Variants in TAFA2 observed in about 807,000 individuals in gnomAD.
TAFA2 encodes the protein chemokine-like protein TAFA-2.
TAFA2 carries 7 observed loss-of-function variants against 18.8 expected under a neutral mutation model. The ratio of observed to expected loss-of-function variants is 0.37; its 90% CI spans 0.21 to 0.70. The LOEUF (loss-of-function observed/expected upper bound fraction) is 0.70. Ranked by LOEUF, TAFA2 falls within the 30% of genes least tolerant of loss-of-function variation. TAFA2 has a pLI of 0.53. For missense variants in TAFA2, 122 were observed against 158.1 expected, an observed-to-expected ratio of 0.77 and a Z score of 1.23; for synonymous variants, 60 against 54.2, an observed-to-expected ratio of 1.11 and a Z score of -0.47.
chr12:61,813,241 G>A (rs1342369370), intron 2 of TAFA2, among the ~76,000 whole-genome samples: 2 of 151,118 alleles, frequency 1.3e-5, no homozygotes, highest in Non-Finnish European at 2.9e-5. Context: ...TGCACTCCTT[G>A]GATTATCAGT....
chr12:61,775,910 G>A (rs1043558317), intron 2 of TAFA2: 18 of 185,260 alleles, frequency 9.7e-5, no homozygotes, highest in Non-Finnish European at 1.7e-4. Flanking sequence ...CCATACTTCA[G>A]TAATATGCCA....
At chr12:61,989,123 C>T (rs1407561124) in intron 1 of TAFA2, among the ~76,000 whole-genome samples, 1 of 152,048 alleles carries the variant, frequency 6.6e-6, no homozygotes, top group African/African-American at 2.4e-5. Context: ...TTTAAAGGAA[C>T]ACTGCAGCTT....
At chr12:61,888,843 T>C (rs1003632214) in intron 1 of TAFA2, among the ~76,000 whole-genome samples, 5 of 152,218 alleles carry the variant, frequency 3.3e-5, no homozygotes, top group Admixed American at 1.3e-4. Flanking sequence ...TGAGTTCTGC[T>C]CTAGTATAAA....
At chr12:61,983,446 T>C (rs1349584013) in intron 1 of TAFA2, among the ~76,000 whole-genome samples, 1 of 151,998 alleles carries the variant, frequency 6.6e-6, no homozygotes, top group Non-Finnish European at 1.5e-5. Context: ...TCTCAATCTG[T>C]AGCCAGGCTG....
chr12:62,250,361 TTAAGA>T (rs1565788405), intron 1 of TAFA2, among the ~76,000 whole-genome samples: 1 of 152,178 alleles, frequency 6.6e-6, no homozygotes, highest in Non-Finnish European at 1.5e-5. Context: ...CTTTTTATAT[TTAAGA>T]TTTTTCTCTG....
intron 1 of TAFA2, among the ~76,000 whole-genome samples, chr12:61,889,586 T>G (rs965309966): frequency 2.6e-5 from 4 of 152,214 alleles, no homozygotes; most frequent in African/African-American, 9.6e-5. Context: ...AAAGAATTGT[T>G]CTAAATCCAA....
intron 2 of TAFA2, among the ~76,000 whole-genome samples, chr12:61,759,006 G>A (rs957485883): frequency 5.9e-5 from 9 of 151,942 alleles, no homozygotes; most frequent in Non-Finnish European, 1.3e-4. Context: ...TCCTATAACA[G>A]CCAGGAGCAC....
chr12:62,179,539 A>T (rs1309426809), intron 1 of TAFA2, among the ~76,000 whole-genome samples: 3 of 152,196 alleles, frequency 2.0e-5, no homozygotes, highest in Non-Finnish European at 4.4e-5. Flanking sequence ...TTTAATAAAC[A>T]ACCTTGACAG....
chr12:62,143,922 C>T (rs891757360), intron 1 of TAFA2, among the ~76,000 whole-genome samples: 1 of 151,858 alleles, frequency 6.6e-6, no homozygotes, highest in African/African-American at 2.4e-5. Context: ...GTGGCACATG[C>T]CTGTGGTCCA....
At chr12:61,946,179 C>G (rs1421831822) in intron 1 of TAFA2, among the ~76,000 whole-genome samples, 1 of 150,996 alleles carries the variant, frequency 6.6e-6, no homozygotes, top group Non-Finnish European at 1.5e-5. Flanking sequence ...TGATCTTTGA[C>G]AAACCTGAGA....
chr12:61,890,372 A>G (rs552933467), intron 1 of TAFA2: 2 of 152,328 alleles, frequency 1.3e-5, no homozygotes, highest in African/African-American at 2.4e-5. Flanking sequence ...TTTCTGCTTC[A>G]TACATCACAG....
At chr12:61,899,764 T>C (rs1876016092) in intron 1 of TAFA2, among the ~76,000 whole-genome samples, 1 of 152,212 alleles carries the variant, frequency 6.6e-6, no homozygotes, top group Admixed American at 6.5e-5. Context: ...ACTTCACCTG[T>C]ACTGAAAATG....
intron 1 of TAFA2, among the ~76,000 whole-genome samples, chr12:62,166,386 A>C (rs1301210326): frequency 6.6e-6 from 1 of 152,192 alleles, no homozygotes; most frequent in African/African-American, 2.4e-5. Context: ...CTTTGATCCA[A>C]CAATATCACT....
At chr12:61,766,839 T>G (rs1869812857) in intron 2 of TAFA2, among the ~76,000 whole-genome samples, 1 of 152,240 alleles carries the variant, frequency 6.6e-6, no homozygotes, top group East Asian at 1.9e-4. Flanking sequence ...ACATTTGACA[T>G]TGTCTCTTTG....
chr12:62,115,731 G>C (rs1052553187), intron 1 of TAFA2, among the ~76,000 whole-genome samples: 2 of 152,174 alleles, frequency 1.3e-5, no homozygotes, highest in African/African-American at 4.8e-5. Flanking sequence ...GAAGGAGAAA[G>C]TGAATCTGAT....
At chr12:62,206,043 C>T (rs1364044771) in intron 1 of TAFA2, among the ~76,000 whole-genome samples, 4 of 152,184 alleles carry the variant, frequency 2.6e-5, no homozygotes, top group Admixed American at 6.5e-5. Flanking sequence ...CCATGGGTCA[C>T]GCCAACCGCC....
chr12:61,847,703 CA>C (rs1054633487), intron 2 of TAFA2, among the ~76,000 whole-genome samples: 6 of 152,024 alleles, frequency 3.9e-5, no homozygotes, highest in African/African-American at 1.2e-4. Context: ...ATCTTTGACC[CA>C]AAAGTCTGCA....
chr12:61,993,735 G>A (rs188924062), intron 1 of TAFA2, among the ~76,000 whole-genome samples: 11 of 152,058 alleles, frequency 7.2e-5, no homozygotes, highest in African/African-American at 2.2e-4. Flanking sequence ...CTTCACAAAC[G>A]GTCACTGTTA....
At chr12:62,146,048 C>A (rs1363702831) in intron 1 of TAFA2, among the ~76,000 whole-genome samples, 1 of 152,200 alleles carries the variant, frequency 6.6e-6, no homozygotes, top group East Asian at 1.9e-4. Context: ...CCTACTCTTT[C>A]ACTCCAGTTC....
Sources: allele counts gnomAD v4.1 joint callset (sites outside exome capture counted in the v4.1 genomes callset), GRCh38; gene constraint gnomAD v4.1.1; transcripts MANE v1.5; gene names NCBI Gene and HGNC (gene_info 2026-07-23, HGNC 2026-07-21).